MYOM3: variants seen among roughly 807,000 people sequenced by gnomAD.
The protein encoded by MYOM3 is myomesin 3, also known as myomesin-3.
In MYOM3, 155 loss-of-function variants were observed where a neutral mutation model predicts 191.7. The ratio of observed to expected loss-of-function variants is 0.81; its 90% CI spans 0.71 to 0.92. The LOEUF (loss-of-function observed/expected upper bound fraction) is 0.92. MYOM3 is among the 40% of genes least tolerant of loss of function. MYOM3 has a pLI of 0.00. For synonymous variants in MYOM3, 757 were observed against 762.9 expected (o/e 0.99, Z 0.13); for missense variants, 1,889 against 1,890.6 (o/e 1.00, Z 0.02).
intron 26 of MYOM3, 33 bp from the exon 27 acceptor site, chr1:24,068,062 C>G (rs754980972): frequency 6.2e-7 from 1 of 1,612,594 alleles, no homozygotes; most frequent in African/African-American, 1.3e-5. Flanking sequence ...TGGCATGAGC[C>G]GAGAGGAGTG....
At chr1:24,089,233 T>G (rs4649183) in intron 14 of MYOM3, among the ~76,000 whole-genome samples, 68,788 of 152,038 alleles carry the variant, frequency 0.45, 16,223 homozygotes, top group East Asian at 0.73. Context: ...GCCATCTGGC[T>G]TGGGGGCAGG....
intron 1 of MYOM3, among the ~76,000 whole-genome samples, chr1:24,110,651 G>A (rs542177804): frequency 3.6e-4 from 55 of 152,262 alleles, no homozygotes; most frequent in African/African-American, 1.2e-3. Flanking sequence ...TGCAGGGTTA[G>A]CTGGGACCAA....
At chr1:24,074,337 G>A in intron 22 of MYOM3, 68 bp from the exon 23 acceptor site, 1 of 1,229,792 alleles carries the variant, frequency 8.1e-7, no homozygotes, top group Non-Finnish European at 1.2e-6. Flanking sequence ...AGGCCTGGGA[G>A]CCAGGGAGTC....
rs1002100891 is a variant in MYOM3 at position 24,105,194 on chromosome 1, A to G, written c.560+726T>C. On this transcript the variant is annotated intron_variant, in intron 5 of 36. Coordinates refer to ENST00000374434, the MANE Select transcript of MYOM3 (RefSeq NM_152372.4). ...GCCCCCTTCAAGCCCTGAGGTTTCC[A>G]TGCTGTTGTGGCGTTAAATTCTCAT... Among the ~76,000 whole-genome samples the G allele has an allele frequency of 2.0e-5, 3 of 151,702 alleles. No homozygotes were observed. The East Asian group carries it at 5.9e-4, about 30-fold the overall frequency.
intron 11 of MYOM3, among the ~76,000 whole-genome samples, chr1:24,091,200 C>A (rs1487061327): frequency 1.3e-5 from 2 of 152,230 alleles, no homozygotes; most frequent in African/African-American, 4.8e-5. Context: ...TGACCAGCAG[C>A]AGTGCCTTTC....
At chr1:24,082,211 G>C in intron 17 of MYOM3, 23 bp from the exon 18 acceptor site, 1 of 1,578,366 alleles carries the variant, frequency 6.3e-7, no homozygotes, top group Non-Finnish European at 8.6e-7. Context: ...AAGGAGGTGA[G>C]GACAGCTGCT....
In MYOM3 at chr1:24,076,668, T is replaced by G. The variant is rs562331703; in HGVS notation, c.2587-395A>C. 5.8e-3 allele frequency among the ~76,000 whole-genome samples: 519 copies of G among 88,724 alleles called. 90 individuals are homozygous for G. The highest frequency in any genetic ancestry group is 0.019 in the African/African-American group (485 of 25,000). The allele number at this position is 88,724 out of a possible 152,430, so 58.2% of individuals were successfully genotyped here. A position where few individuals can be genotyped will look rare whatever the true frequency, so the allele number is the denominator to read the frequency against. On this transcript the variant is annotated intron_variant, in intron 20 of 36. Coordinates refer to ENST00000374434, the MANE Select transcript of MYOM3 (RefSeq NM_152372.4). ...AGCTGGGACTACAGGCGCCCGCCAC[T>G]ACGCCCGGCTAATTTTTTGTATTTT...
intron 9 of MYOM3, 73 bp downstream of exon 9, chr1:24,094,779 GT>G (rs1643869526): frequency 2.1e-6 from 3 of 1,438,818 alleles, no homozygotes; most frequent in Non-Finnish European, 2.8e-6. Flanking sequence ...TCCGCTAGGG[GT>G]CCTCTCTGGC....
At chr1:24,096,137 TATGAC>T (rs1271074077) in intron 7 of MYOM3, among the ~76,000 whole-genome samples, 1 of 152,094 alleles carries the variant, frequency 6.6e-6, no homozygotes, top group African/African-American at 2.4e-5. Context: ...AGCCTGAAGC[TATGAC>T]ATGACACTGG....
intron 25 of MYOM3, among the ~76,000 whole-genome samples, chr1:24,069,692 C>T (rs940053364): frequency 1.2e-4 from 18 of 151,488 alleles, no homozygotes; most frequent in African/African-American, 4.1e-4. Flanking sequence ...TCACTGCAAC[C>T]TCTGTCTCCC....
intron 28 of MYOM3, chr1:24,066,260 C>T (rs1224605632): frequency 2.8e-6 from 2 of 716,098 alleles, no homozygotes; most frequent in African/African-American, 3.5e-5. Context: ...TTGAAGCATC[C>T]CATAGTCACC....
chr1:24,067,983 C>T lies in MYOM3; in HGVS notation c.3342G>A (p.Trp1114Ter), dbSNP rs768266398. The T allele has an allele frequency of 2.4e-5, 38 of 1,614,080 alleles. No individual in the cohort carries two copies. The Admixed American group carries it at 5.2e-4, about 22-fold the overall frequency. Reference sequence around the variant, plus strand: ...AGCAGCTCTTACCCTGTTTTCTCTTCCAGTCCCTTCTCTTAGCATCTGCCT... The same window carrying T: ...AGCAGCTCTTACCCTGTTTTCTCTTTCAGTCCCTTCTCTTAGCATCTGCCT... The part of the protein sequence containing the change: ...LRKADAKRRD[W>*]KRKQGPYFER... The change falls in exon 27 of 37, where the codon TGG becomes TGA. Residue 1114 changes from tryptophan (W) to a stop codon, truncating the protein, a stop_gained. Coordinates refer to ENST00000374434, the MANE Select transcript of MYOM3 (RefSeq NM_152372.4). LOFTEE classifies it high-confidence loss of function.
intron 24 of MYOM3, 116 bp downstream of exon 24, chr1:24,071,853 C>A: frequency 9.4e-7 from 1 of 1,064,318 alleles, no homozygotes; most frequent in East Asian, 2.4e-5. Context: ...GATTCTCCCA[C>A]CCTCTGTCCC....
At chr1:24,089,982 C>G in intron 13 of MYOM3, 83 bp downstream of exon 13, 1 of 1,404,706 alleles carries the variant, frequency 7.1e-7, no homozygotes, top group Non-Finnish European at 1.0e-6. Flanking sequence ...TGCACTGGGA[C>G]AGCTTCTGCC....
rs1222932129 is a variant in MYOM3, at chr1:24,063,231, A to C, written c.3665T>G (p.Leu1222Arg). Residue 1222 changes from leucine (L) to arginine (R), a missense_variant, in exon 32 of 37, where the codon CTC (leucine) becomes CGC (arginine). Coordinates refer to ENST00000374434, the MANE Select transcript of MYOM3 (RefSeq NM_152372.4). This position sits in a 1 kb window ranked among gnomAD's most constrained non-coding sequence, Gnocchi z 4.5. Reference protein sequence around the residue: ...IFTELGRIGALSATPLKIQGT... With the variant: ...IFTELGRIGARSATPLKIQGT... The stretch of plus-strand genomic sequence containing the variant: ...CTGGATTTTCAGTGGAGTTGCAGAG[A>C]GGGCTGGGGAGACAGAGGAGAAGGA... 1 of 1,612,562 alleles carries C rather than the reference A, an allele frequency of 6.2e-7. No individual in the cohort carries two copies. The highest frequency in any genetic ancestry group is 2.2e-5 in the East Asian group (1 of 44,856).
intron 20 of MYOM3, 125 bp downstream of exon 20, chr1:24,079,891 C>A (rs1389033061): frequency 1.4e-5 from 13 of 957,436 alleles, no homozygotes; most frequent in Non-Finnish European, 2.0e-5. Flanking sequence ...GTAAATCGCT[C>A]TTCCTCTCTG....
In MYOM3 at chr1:24,080,289, G is replaced by C; in HGVS notation, c.2408-95C>G. The stretch of plus-strand genomic sequence containing the variant: ...AGCCCAGCAGTCAGTCAACAAGCTT[G>C]TCAATCCCTCAGTCACAGTCAAGCC... On this transcript the variant is annotated intron_variant, in intron 19 of 36. Transcript: ENST00000374434. 19 of 983,746 alleles carry C rather than the reference G, an allele frequency of 1.9e-5. No homozygotes were observed. In the South Asian group the frequency reaches 3.2e-4, roughly 16 times the overall value. 60.9% of individuals were successfully genotyped at this position (983,746 alleles called of 1,614,324 possible). A position where few individuals can be genotyped will look rare whatever the true frequency, so the allele number is the denominator to read the frequency against.
Position 24,057,452 on chromosome 1 carries a change from A to G in MYOM3, c.4226T>C (p.Val1409Ala). 2 of 1,614,162 alleles carry G rather than the reference A, an allele frequency of 1.2e-6. No individual in the cohort carries two copies. Among genetic ancestry groups the G allele is most frequent in the Non-Finnish European group, 1.7e-6 (2 of 1,180,038 alleles). Residue 1409 changes from valine to alanine, a missense_variant, in exon 37 of 37, where the codon GTC becomes GCC. Coordinates refer to ENST00000374434, the MANE Select transcript of MYOM3 (RefSeq NM_152372.4). ...CGTCTCGGAGCCATACTTGTTCTTG[A>G]CGAAGACGCCGTAGCGGCCGCTGTC... ...SEDSGRYGVFVKNKYGSETGQ... is the reference protein window; with the variant it reads ...SEDSGRYGVFAKNKYGSETGQ...
In MYOM3 at chr1:24,076,278, G is replaced by A; in HGVS notation, c.2587-5C>T. 6.2e-7 allele frequency: 1 copy of A among 1,610,862 alleles called. No individual in the cohort carries two copies. Among genetic ancestry groups the A allele is most frequent in the Middle Eastern group, 1.7e-4 (1 of 6,054 alleles). ...TCCTGGCTGCAAGTCGGAAACCTGG[G>A]GGCAGAGGGCAAGAGCCAGCACTGA... On this transcript the variant is annotated splice_polypyrimidine_tract_variant and splice_region_variant and intron_variant, in intron 20 of 36. Coordinates refer to ENST00000374434, the MANE Select transcript of MYOM3 (RefSeq NM_152372.4).
Sources: gnomAD v4.1 joint callset for allele counts (sites outside exome capture counted in the v4.1 genomes callset) on GRCh38, gnomAD v4.1.1 for gene constraint, Gnocchi (gnomAD v3.1) non-coding constraint, MANE v1.5 for transcripts, NCBI Gene and HGNC (gene_info 2026-07-23, HGNC 2026-07-21) for gene names.